The following HDAC9 variants were observed in gnomAD, a reference collection of about 807,000 sequenced individuals.
HDAC9 encodes the protein MEF-2 interacting transcription repressor (MITR) protein.
HDAC9 carries 41 observed loss-of-function variants against 139.4 expected under a neutral mutation model. That is an observed-to-expected ratio of 0.29 (90% CI 0.23 to 0.38). HDAC9 has a LOEUF of 0.38. HDAC9 is among the 10% of genes least tolerant of loss of function. HDAC9 has a pLI of 1.00. For missense variants in HDAC9, 1,147 were observed against 1,297.0 expected, an observed-to-expected ratio of 0.88 and a Z score of 1.78; for synonymous variants, 517 against 476.2, an observed-to-expected ratio of 1.09 and a Z score of -1.12.
At chr7:18,541,053 A>G (rs1281000059) in intron 2 of HDAC9, among the ~76,000 whole-genome samples, 2 of 151,752 alleles carry the variant, frequency 1.3e-5, no homozygotes, top group East Asian at 1.9e-4. Context: ...ACACTCCACC[A>G]TACTAAATAC....
At chr7:18,137,448 A>T (rs1372325070) in intron 1 of HDAC9, among the ~76,000 whole-genome samples, 1 of 151,616 alleles carries the variant, frequency 6.6e-6, no homozygotes, top group Non-Finnish European at 1.5e-5. Context: ...GGTTTGTCAT[A>T]GATAGCTCTT....
chr7:18,128,273 G>A (rs1784796944), intron 1 of HDAC9, among the ~76,000 whole-genome samples: 1 of 152,044 alleles, frequency 6.6e-6, no homozygotes, highest in Non-Finnish European at 1.5e-5. Flanking sequence ...TTTAACTGGG[G>A]CCTCAAAGTC....
At chr7:18,473,426 C>T (rs528346610) in intron 1 of HDAC9, among the ~76,000 whole-genome samples, 3 of 152,300 alleles carry the variant, frequency 2.0e-5, no homozygotes, top group Admixed American at 6.5e-5. Flanking sequence ...TACACATCAG[C>T]TTTACAAGTC....
intron 1 of HDAC9, among the ~76,000 whole-genome samples, chr7:18,442,358 A>G (rs1321048333): frequency 6.6e-6 from 1 of 152,206 alleles, no homozygotes; most frequent in Admixed American, 6.5e-5. Context: ...GATTCATATT[A>G]ATGCTTGGAA....
chr7:18,260,070 C>G (rs1384769265), intron 2 of HDAC9, among the ~76,000 whole-genome samples: 3 of 152,096 alleles, frequency 2.0e-5, no homozygotes, highest in Admixed American at 1.3e-4. Context: ...TGTGTGTACT[C>G]AGAAGATGGT....
intron 1 of HDAC9, among the ~76,000 whole-genome samples, chr7:18,354,782 G>A (rs1418074764): frequency 1.3e-5 from 2 of 152,088 alleles, no homozygotes; most frequent in Admixed American, 6.6e-5. Context: ...AATTGGATGT[G>A]GTGAGGGAAA....
At chr7:18,553,190 A>G (rs771678852) in intron 2 of HDAC9, among the ~76,000 whole-genome samples, 5 of 152,086 alleles carry the variant, frequency 3.3e-5, no homozygotes, top group Non-Finnish European at 5.9e-5. Context: ...GGCTGCTTTC[A>G]TCCTCTGATA....
chr7:18,764,615 T>C (rs571395293), intron 15 of HDAC9, among the ~76,000 whole-genome samples: 107 of 152,334 alleles, frequency 7.0e-4, no homozygotes, highest in Non-Finnish European at 1.4e-3. Context: ...TCTGGCTTTT[T>C]TTATTGTTGT....
At chr7:18,411,718 A>G (rs538591732) in intron 1 of HDAC9, among the ~76,000 whole-genome samples, 2 of 151,312 alleles carry the variant, frequency 1.3e-5, no homozygotes, top group South Asian at 4.2e-4. Flanking sequence ...TTTTGCCCAA[A>G]TGTAGGCTAA....
chr7:18,547,726 T>C lies in HDAC9; in HGVS notation c.23-37555T>C, dbSNP rs574759382. ...GCTTCTGCTTTATCAGCTAAGTTTATGTAATATTCTGAATCCTTTGTCATC... is the reference window on the plus strand; with the variant it reads ...GCTTCTGCTTTATCAGCTAAGTTTACGTAATATTCTGAATCCTTTGTCATC... On this transcript the variant is annotated intron_variant, in intron 2 of 25. Transcript: ENST00000686413. Among the ~76,000 whole-genome samples, 5 of 152,326 alleles carry C rather than the reference T, an allele frequency of 3.3e-5. No individual in the cohort carries two copies. The South Asian group carries it at 8.3e-4, about 25-fold the overall frequency.
At chr7:18,557,765 AC>A (rs760974664) in intron 2 of HDAC9, among the ~76,000 whole-genome samples, 10 of 150,070 alleles carry the variant, frequency 6.7e-5, no homozygotes, top group Non-Finnish European at 1.2e-4. Flanking sequence ...ATAATTTAAA[AC>A]AAAAATGAAA....
chr7:18,229,884 C>G (rs1793333300), intron 2 of HDAC9, among the ~76,000 whole-genome samples: 1 of 152,144 alleles, frequency 6.6e-6, no homozygotes, highest in Non-Finnish European at 1.5e-5. Context: ...AACCAGAAGC[C>G]TATTTACTAA....
intron 2 of HDAC9, among the ~76,000 whole-genome samples, chr7:18,185,572 ATT>A (rs982976081): frequency 2.2e-4 from 33 of 152,234 alleles, no homozygotes; most frequent in African/African-American, 7.7e-4. Context: ...TCATTTAAAT[ATT>A]GTTACAAGCA....
intron 7 of HDAC9, among the ~76,000 whole-genome samples, chr7:18,631,630 C>T (rs527826127): frequency 3.3e-5 from 5 of 152,110 alleles, no homozygotes; most frequent in South Asian, 2.1e-4. Flanking sequence ...CAAACTCATT[C>T]CACTCATTGA....
intron 1 of HDAC9, among the ~76,000 whole-genome samples, chr7:18,403,415 A>G (rs990994569): frequency 4.6e-5 from 7 of 152,256 alleles, no homozygotes; most frequent in African/African-American, 7.2e-5. Flanking sequence ...ATGTACTTCC[A>G]TATTTCTTTC....
intron 4 of HDAC9, 136 bp downstream of exon 4, chr7:18,590,622 C>A: frequency 2.2e-6 from 2 of 899,978 alleles, no homozygotes; most frequent in Non-Finnish European, 3.3e-6. Context: ...AGATTACAGA[C>A]CCAACTGTAA....
At chr7:18,251,625 T>C (rs1389437569) in intron 2 of HDAC9, among the ~76,000 whole-genome samples, 2 of 152,160 alleles carry the variant, frequency 1.3e-5, no homozygotes, top group Non-Finnish European at 2.9e-5. Context: ...TAAAAACAAA[T>C]GAAAGTGACA....
intron 22 of HDAC9, among the ~76,000 whole-genome samples, chr7:18,877,219 G>C (rs1309362611): frequency 4.6e-5 from 7 of 152,212 alleles, no homozygotes; most frequent in Non-Finnish European, 8.8e-5. Flanking sequence ...GTGGGTAGAA[G>C]CTGGGATTAC....
In HDAC9 at chr7:18,779,143, G is replaced by A. The variant is rs1237262285; in HGVS notation, c.2214+11988G>A. On this transcript the variant is annotated intron_variant, in intron 16 of 25. Coordinates refer to ENST00000686413, the MANE Select transcript of HDAC9 (RefSeq NM_178425.4). Reference sequence around the variant, plus strand: ...GGTGTGGGCATTATAACCTACAACTGATCCCAAAGGAATGGGCTGTCATTC... The same window carrying A: ...GGTGTGGGCATTATAACCTACAACTAATCCCAAAGGAATGGGCTGTCATTC... Among the ~76,000 whole-genome samples, 7 of 152,132 alleles carry A rather than the reference G, an allele frequency of 4.6e-5. No individual in the cohort carries two copies. The South Asian group carries it at 1.4e-3, about 31-fold the overall frequency.
Sources: gnomAD v4.1 joint callset for allele counts (sites outside exome capture counted in the v4.1 genomes callset) on GRCh38, gnomAD v4.1.1 for gene constraint, MANE v1.5 for transcripts, NCBI Gene and HGNC (gene_info 2026-07-23, HGNC 2026-07-21) for gene names.